CFAP299: variants seen among roughly 807,000 people sequenced by gnomAD.
CFAP299 encodes the protein cilia and flagella associated protein 299, also known as cilia- and flagella-associated protein 299.
In CFAP299, 21 loss-of-function variants were observed where a neutral mutation model predicts 27.0. That is an observed-to-expected ratio of 0.78 (90% CI 0.55 to 1.12). The LOEUF is 1.12. Among genes scored for constraint, CFAP299 ranks in the 50% most tolerant of loss-of-function variants. CFAP299 has a pLI of 0.00. For synonymous variants in CFAP299, 104 were observed against 98.1 expected (o/e 1.06, Z -0.36); for missense variants, 310 against 276.6 (o/e 1.12, Z -0.86).
At chr4:80,638,474 T>G (rs1739564954) in intron 3 of CFAP299, among the ~76,000 whole-genome samples, 2 of 152,106 alleles carry the variant, frequency 1.3e-5, no homozygotes, top group Admixed American at 1.3e-4. Context: ...AGAAGTAACA[T>G]AGCCTTATTT....
intron 3 of CFAP299, among the ~76,000 whole-genome samples, chr4:80,680,922 A>G (rs1042218397): frequency 5.9e-5 from 9 of 152,154 alleles, no homozygotes; most frequent in African/African-American, 2.2e-4. Flanking sequence ...GCAGAAAGGA[A>G]TGGAGAGCTC....
chr4:80,757,699 T>G (rs1467671340), intron 3 of CFAP299, among the ~76,000 whole-genome samples: 10 of 151,004 alleles, frequency 6.6e-5, no homozygotes, highest in Admixed American at 6.6e-4. Context: ...AGGTTTTTTG[T>G]TTTTTTTGTT....
chr4:80,869,901 A>G (rs1233260942), intron 3 of CFAP299, 92 bp from the exon 4 acceptor site: 3 of 1,201,558 alleles, frequency 2.5e-6, no homozygotes, highest in Non-Finnish European at 2.3e-6. Flanking sequence ...ATGGTCACTC[A>G]TATTAGTGTT....
intron 4 of CFAP299, among the ~76,000 whole-genome samples, chr4:80,935,990 T>A (rs1736869293): frequency 6.6e-6 from 1 of 152,088 alleles, no homozygotes; most frequent in Admixed American, 6.5e-5. Flanking sequence ...ATTAGAGAAA[T>A]GCAAATCAAA....
At chr4:80,491,534 A>G (rs1234724895) in intron 2 of CFAP299, among the ~76,000 whole-genome samples, 1 of 152,116 alleles carries the variant, frequency 6.6e-6, no homozygotes, top group African/African-American at 2.4e-5. Context: ...GATAAACACA[A>G]TATTACCCAG....
rs145424961 is a variant in CFAP299, at chr4:80,493,557, A to G, written c.243-89536A>G. ...AGGTGATAGGAAAGAGTCAGGGTGG[A>G]GTAGGTAATCGAAAAAGGTTGCTTT... On this transcript the variant is annotated intron_variant, in intron 2 of 5. Coordinates refer to ENST00000358105, the MANE Select transcript of CFAP299 (RefSeq NM_152770.3). Among the ~76,000 whole-genome samples, 765 of 152,238 alleles carry G rather than the reference A, an allele frequency of 5.0e-3. 4 individuals are homozygous for G. Among genetic ancestry groups the G allele is most frequent in the Middle Eastern group, 0.017 (5 of 292 alleles).
At chr4:80,357,576 T>C (rs1367135690) in intron 1 of CFAP299, among the ~76,000 whole-genome samples, 1 of 152,214 alleles carries the variant, frequency 6.6e-6, no homozygotes, top group Admixed American at 6.5e-5. Flanking sequence ...AGTGTTTATT[T>C]GTCCATTAAT....
chr4:80,685,639 T>A (rs986853383), intron 3 of CFAP299, among the ~76,000 whole-genome samples: 2 of 73,066 alleles, frequency 2.7e-5, no homozygotes, highest in Admixed American at 1.8e-4. Context: ...GGGGGGTGGG[T>A]GAGAGAGAGC....
chr4:80,824,717 A>C (rs1473075702), intron 3 of CFAP299, among the ~76,000 whole-genome samples: 1 of 152,164 alleles, frequency 6.6e-6, no homozygotes, highest in African/African-American at 2.4e-5. Flanking sequence ...GCATGACATG[A>C]AGATGAAGAC....
intron 2 of CFAP299, among the ~76,000 whole-genome samples, chr4:80,528,072 G>T (rs977089622): frequency 6.6e-6 from 1 of 152,068 alleles, no homozygotes; most frequent in Non-Finnish European, 1.5e-5. Context: ...GCAGATCATT[G>T]ATTAAGATTA....
chr4:80,404,506 C>T (rs1014301871), intron 2 of CFAP299, among the ~76,000 whole-genome samples: 9 of 152,152 alleles, frequency 5.9e-5, no homozygotes, highest in East Asian at 1.9e-4. Context: ...TCTGACTACT[C>T]GAGGTACCTC....
chr4:80,507,287 C>A (rs1168953139), intron 2 of CFAP299, among the ~76,000 whole-genome samples: 4 of 152,078 alleles, frequency 2.6e-5, no homozygotes, highest in Admixed American at 1.3e-4. Flanking sequence ...GAGTGACAAG[C>A]CCTGGACAGT....
At chr4:80,521,068 C>T (rs1732884847) in intron 2 of CFAP299, among the ~76,000 whole-genome samples, 1 of 152,042 alleles carries the variant, frequency 6.6e-6, no homozygotes. Flanking sequence ...ACAATGACAT[C>T]AAATATGTAG....
chr4:80,422,618 A>T (rs914032274), intron 2 of CFAP299, among the ~76,000 whole-genome samples: 1 of 152,080 alleles, frequency 6.6e-6, no homozygotes, highest in Non-Finnish European at 1.5e-5. Context: ...AAGCACTGTG[A>T]GTAAGTATAT....
At chr4:80,494,044 G>A (rs893915358) in intron 2 of CFAP299, among the ~76,000 whole-genome samples, 4 of 151,848 alleles carry the variant, frequency 2.6e-5, no homozygotes, top group Non-Finnish European at 4.4e-5. Context: ...CAAAGTGCTG[G>A]GATTACAGGC....
chr4:80,606,778 G>A (rs1289493756), intron 3 of CFAP299, among the ~76,000 whole-genome samples: 4 of 150,796 alleles, frequency 2.7e-5, no homozygotes, highest in Non-Finnish European at 5.9e-5. Flanking sequence ...ATATTTCATT[G>A]TATGGGTATG....
At chr4:80,888,577 A>T (rs1279835999) in intron 4 of CFAP299, among the ~76,000 whole-genome samples, 3 of 152,072 alleles carry the variant, frequency 2.0e-5, no homozygotes, top group African/African-American at 7.2e-5. Flanking sequence ...GCAGAAAATC[A>T]ACAAGGAAAC....
chr4:80,505,575 A>AT (rs1370733655), intron 2 of CFAP299, among the ~76,000 whole-genome samples: 2 of 143,742 alleles, frequency 1.4e-5, no homozygotes, highest in African/African-American at 5.4e-5. Context: ...ACCACCCTGT[A>AT]TTTTTTCAGG....
intron 3 of CFAP299, among the ~76,000 whole-genome samples, chr4:80,780,550 T>C (rs538836796): frequency 1.4e-4 from 21 of 152,194 alleles, no homozygotes; most frequent in African/African-American, 5.1e-4. Context: ...GAAGAACAAC[T>C]TTTGGGTTGC....
Sources: gnomAD v4.1 joint callset for allele counts (sites outside exome capture counted in the v4.1 genomes callset) on GRCh38, gnomAD v4.1.1 for gene constraint, MANE v1.5 for transcripts, NCBI Gene and HGNC (gene_info 2026-07-23, HGNC 2026-07-21) for gene names.